The following SNX24 variants were observed in gnomAD, a reference collection of about 807,000 sequenced individuals.
The protein encoded by SNX24 is sorting nexin-24.
In SNX24, 22 loss-of-function variants were observed where a neutral mutation model predicts 28.7. The ratio of observed to expected loss-of-function variants is 0.77; its 90% confidence interval spans 0.55 to 1.10. SNX24 has a LOEUF of 1.10. SNX24 is among the 50% of genes least tolerant of loss of function. SNX24 has a pLI of 0.00. For synonymous variants in SNX24, 69 were observed against 71.5 expected (o/e 0.96, Z 0.18); for missense variants, 221 against 201.1 (o/e 1.10, Z -0.60).
At chr5:122,990,372 G>A (rs934232628) in intron 3 of SNX24, among the ~76,000 whole-genome samples, 1 of 152,110 alleles carries the variant, frequency 6.6e-6, no homozygotes, top group African/African-American at 2.4e-5. Flanking sequence ...AATGATGTTA[G>A]CCTAGTATAC....
intron 1 of SNX24, among the ~76,000 whole-genome samples, chr5:122,865,583 C>A (rs1041711253): frequency 5.3e-5 from 8 of 152,230 alleles, no homozygotes; most frequent in Non-Finnish European, 8.8e-5. Flanking sequence ...AGGTGATCCA[C>A]CCGCCTTGGC....
intron 1 of SNX24, chr5:122,853,744 TC>T: frequency 2.8e-6 from 1 of 355,216 alleles, no homozygotes; most frequent in Non-Finnish European, 5.8e-6. Context: ...CGCTTCAGCC[TC>T]CCAAGATGCT....
intron 1 of SNX24, among the ~76,000 whole-genome samples, chr5:122,864,638 C>T (rs1225346286): frequency 1.3e-5 from 2 of 152,184 alleles, no homozygotes; most frequent in Non-Finnish European, 2.9e-5. Context: ...AAGCTGTTTT[C>T]TTGCACTGAG....
At chr5:123,001,517 A>G (rs1404857480) in intron 5 of SNX24, 80 bp downstream of exon 5, 10 of 1,038,092 alleles carry the variant, frequency 9.6e-6, no homozygotes, top group Admixed American at 9.5e-5. Flanking sequence ...GTTTCAAGTT[A>G]TGTTTTTCTT....
intron 1 of SNX24, among the ~76,000 whole-genome samples, chr5:122,866,582 T>G (rs1048259167): frequency 8.5e-5 from 13 of 152,244 alleles, no homozygotes; most frequent in Admixed American, 8.5e-4. Context: ...CTATTAGTAG[T>G]CCTGCCTGAA....
rs377510906 is a variant in SNX24 at position 122,968,503 on chromosome 5, A to G, written c.249+22344A>G. Among the ~76,000 whole-genome samples, 9 of 152,334 alleles carry G rather than the reference A, an allele frequency of 5.9e-5. No homozygotes were observed. The East Asian group carries it at 1.3e-3, about 23-fold the overall frequency. The stretch of plus-strand genomic sequence containing the variant: ...CAACTGTGTGACATCAAGAAGGGCA[A>G]TTTCCTGACCAAATCTCATCAGGAA... On this transcript the variant is annotated intron_variant, in intron 3 of 6. Coordinates refer to ENST00000261369, the MANE Select transcript of SNX24 (RefSeq NM_014035.4).
At chr5:122,917,782 C>A (rs1489437821) in intron 1 of SNX24, among the ~76,000 whole-genome samples, 3 of 152,142 alleles carry the variant, frequency 2.0e-5, no homozygotes, top group Non-Finnish European at 2.9e-5. Context: ...ATAGTAGGCA[C>A]TATTTAAAAT....
intron 1 of SNX24, among the ~76,000 whole-genome samples, chr5:122,922,307 C>T (rs1478138465): frequency 3.3e-5 from 5 of 152,064 alleles, no homozygotes; most frequent in Non-Finnish European, 7.4e-5. Context: ...GGCTGGAGTG[C>T]AATGGTGCAA....
intron 3 of SNX24, among the ~76,000 whole-genome samples, chr5:122,969,850 G>T (rs1330574758): frequency 1.3e-5 from 2 of 152,020 alleles, no homozygotes; most frequent in Non-Finnish European, 2.9e-5. Flanking sequence ...GCTGCTTGTG[G>T]GCTTGCTTAT....
chr5:123,007,565 T>G, intron 6 of SNX24, 117 bp from the exon 7 acceptor site: 3 of 931,558 alleles, frequency 3.2e-6, no homozygotes, highest in Non-Finnish European at 4.8e-6. Context: ...GCGATGCAGA[T>G]TCCTGTGTTT....
At chr5:122,929,080 T>C (rs966148086) in intron 1 of SNX24, among the ~76,000 whole-genome samples, 5 of 152,214 alleles carry the variant, frequency 3.3e-5, no homozygotes, top group African/African-American at 9.6e-5. Context: ...GTATCTCCAA[T>C]GACTAGCTCT....
intron 1 of SNX24, among the ~76,000 whole-genome samples, chr5:122,877,743 T>C (rs1445444883): frequency 6.6e-6 from 1 of 152,168 alleles, no homozygotes; most frequent in East Asian, 1.9e-4. Context: ...CTTTCCAAGC[T>C]AGTTCTAGTT....
intron 1 of SNX24, among the ~76,000 whole-genome samples, chr5:122,934,610 G>T (rs564618631): frequency 6.6e-6 from 1 of 152,082 alleles, no homozygotes; most frequent in South Asian, 2.1e-4. Context: ...CACCTGCCTC[G>T]GCCTCGCAAA....
At chr5:122,933,077 C>G (rs1169468602) in intron 1 of SNX24, among the ~76,000 whole-genome samples, 5 of 152,066 alleles carry the variant, frequency 3.3e-5, no homozygotes, top group Non-Finnish European at 5.9e-5. Flanking sequence ...TATTCTTGAG[C>G]TTTGTTCTGG....
intron 1 of SNX24, among the ~76,000 whole-genome samples, chr5:122,927,036 A>G (rs558289540): frequency 2.6e-5 from 4 of 152,372 alleles, no homozygotes; most frequent in East Asian, 1.9e-4. Context: ...TTAGAAGTTA[A>G]TAATATGAAT....
chr5:122,875,946 C>T (rs973620304), intron 1 of SNX24, among the ~76,000 whole-genome samples: 2 of 152,180 alleles, frequency 1.3e-5, no homozygotes, highest in African/African-American at 2.4e-5. Context: ...TGGTGGCGGG[C>T]GCCTATAATT....
intron 3 of SNX24, among the ~76,000 whole-genome samples, chr5:122,993,246 T>G (rs1227312717): frequency 1.3e-5 from 2 of 151,776 alleles, no homozygotes; most frequent in Non-Finnish European, 2.9e-5. Context: ...GCACATCTGA[T>G]TTTTATTTTT....
intron 1 of SNX24, 62 bp downstream of exon 1, chr5:122,845,755 G>A (rs1395693612): frequency 1.3e-5 from 14 of 1,081,808 alleles, no homozygotes; most frequent in Non-Finnish European, 1.6e-5. Flanking sequence ...CTGCGCCCAG[G>A]AAACACCCTT....
At chr5:122,937,405 A>C (rs1759224737) in intron 2 of SNX24, among the ~76,000 whole-genome samples, 1 of 152,238 alleles carries the variant, frequency 6.6e-6, no homozygotes, top group Admixed American at 6.5e-5. Flanking sequence ...TAGATAAACG[A>C]AACAGAAAGG....
Sources: allele counts gnomAD v4.1 joint callset (sites outside exome capture counted in the v4.1 genomes callset), GRCh38; gene constraint gnomAD v4.1.1; transcripts MANE v1.5; gene names NCBI Gene and HGNC (gene_info 2026-07-23, HGNC 2026-07-21).